Variants in ASB18 observed in about 807,000 individuals in gnomAD.
ASB18 encodes ankyrin repeat and SOCS box protein 18.
A neutral mutation model predicts 33.4 loss-of-function variants in ASB18; 33 were observed. The observed-to-expected ratio is 0.99, with a 90% CI of 0.75 to 1.32. The LOEUF (loss-of-function observed/expected upper bound fraction) is 1.32, where lower values mean the gene tolerates loss of function less well. Ranked by LOEUF, ASB18 falls within the 40% of genes most tolerant of loss-of-function variation. The pLI, the probability that ASB18 is intolerant of heterozygous loss-of-function variation, is 0.00. For missense variants in ASB18, 694 were observed against 655.5 expected (o/e 1.06, Z -0.64); for synonymous variants, 295 against 307.6 (o/e 0.96, Z 0.43).
Position 236,225,941 on chromosome 2 carries a change from T to C in ASB18, c.597-11075A>G, listed in dbSNP as rs1425924691. Among the ~76,000 whole-genome samples, 1 of 152,122 alleles carries C rather than the reference T, an allele frequency of 6.6e-6. No individual in the cohort carries two copies. Among genetic ancestry groups the C allele is most frequent in the African/African-American group, 2.4e-5 (1 of 41,412 alleles). On this transcript the variant is annotated intron_variant, in intron 3 of 5. Transcript: ENST00000409749. The surrounding 1 kb of genome is among the most constrained non-coding windows in gnomAD (Gnocchi z 5.1). Reference sequence around the variant, plus strand: ...TGTCATCAAGAGTCAGAAAATGGAATGGCTCTGTATGTAGGTCAGCGACCC... The same window carrying C: ...TGTCATCAAGAGTCAGAAAATGGAACGGCTCTGTATGTAGGTCAGCGACCC...
In ASB18 at chr2:236,226,189, G is replaced by GA. The variant is rs1480235610; in HGVS notation, c.597-11324_597-11323insT. Among the ~76,000 whole-genome samples the GA allele has an allele frequency of 6.6e-6, 1 of 152,294 alleles. No individual in the cohort carries two copies. The highest frequency in any genetic ancestry group is 1.9e-4 in the East Asian group (1 of 5,190). ...TATTAACTTTTTATCCTTCAAGGTA[G>GA]TTGGCTGTGTTATTGTAGAGGTGTT... On this transcript the variant is annotated intron_variant, in intron 3 of 5. Transcript: ENST00000409749. The surrounding 1 kb of genome is among the most constrained non-coding windows in gnomAD (Gnocchi z 4.8).
rs1391155312 is a variant in ASB18, at chr2:236,217,330, C to G, written c.597-2464G>C. Among the ~76,000 whole-genome samples, 1 of 151,770 alleles carries G rather than the reference C, an allele frequency of 6.6e-6. No individual in the cohort carries two copies. The highest frequency in any genetic ancestry group is 1.9e-4 in the East Asian group (1 of 5,136). ...GCTGAGGCAGGAGAATCACTTAAAC[C>G]CGGGAGGTGGAGGTTGCAGTGAGCC... On this transcript the variant is annotated intron_variant, in intron 3 of 5. Coordinates refer to ENST00000409749, the MANE Select transcript of ASB18 (RefSeq NM_212556.4). This position sits in a 1 kb window ranked among gnomAD's most constrained non-coding sequence, Gnocchi z 5.2.
rs190959293 is a variant in ASB18 at position 236,222,888 on chromosome 2, C to T, written c.597-8022G>A. ...TACAAAAATTAGATGGGTGTGGTGGCGCACACCTGTAGTCCCAGCTACTTG... is the reference window on the plus strand; with the variant it reads ...TACAAAAATTAGATGGGTGTGGTGGTGCACACCTGTAGTCCCAGCTACTTG... On this transcript the variant is annotated intron_variant, in intron 3 of 5. Coordinates refer to ENST00000409749, the MANE Select transcript of ASB18 (RefSeq NM_212556.4). This position sits in a 1 kb window ranked among gnomAD's most constrained non-coding sequence, Gnocchi z 5.5. Among the ~76,000 whole-genome samples the T allele has an allele frequency of 2.3e-4, 35 of 152,222 alleles. No individual in the cohort carries two copies. Among genetic ancestry groups the T allele is most frequent in the African/African-American group, 7.5e-4 (31 of 41,546 alleles).
Position 236,234,602 on chromosome 2 carries a change from A to G in ASB18, c.596+3087T>C, listed in dbSNP as rs2060580431. ...GCACATGCTTGACAAGAGAGCTCAG[A>G]AATAAACTCACGCATATATAGTCCA... On this transcript the variant is annotated intron_variant, in intron 3 of 5. Transcript: ENST00000409749. This position sits in a 1 kb window ranked among gnomAD's most constrained non-coding sequence, Gnocchi z 4.1. Among the ~76,000 whole-genome samples the G allele has an allele frequency of 1.3e-5, 2 of 152,334 alleles. No individual in the cohort carries two copies. The highest frequency in any genetic ancestry group is 6.5e-5 in the Admixed American group (1 of 15,302).
rs372921295 is a variant in ASB18, at chr2:236,211,596, C to T, written c.1101+2766G>A. Among the ~76,000 whole-genome samples the T allele has an allele frequency of 4.9e-4, 74 of 152,344 alleles. No homozygotes were observed. The highest frequency in any genetic ancestry group is 6.8e-3 in the Middle Eastern group (2 of 294). On this transcript the variant is annotated intron_variant, in intron 4 of 5. Transcript: ENST00000409749. This position sits in a 1 kb window ranked among gnomAD's most constrained non-coding sequence, Gnocchi z 5.0. ...GTGACAGTGCTGGTGACTCTACGCT[C>T]GGCTCGCCATGGCGCCCGTGTGGTG...
rs946952245 is a variant in ASB18, at chr2:236,241,136, G to A, written c.328+144C>T. On this transcript the variant is annotated intron_variant, in intron 2 of 5. Coordinates refer to ENST00000409749, the MANE Select transcript of ASB18 (RefSeq NM_212556.4). The surrounding 1 kb of genome is among the most constrained non-coding windows in gnomAD (Gnocchi z 4.2). ...TCACCTAAAACCTACACTTTACTGC[G>A]AGCAAACTTCATCAGATGTCCTTTT... 14 of 836,678 alleles carry A rather than the reference G, an allele frequency of 1.7e-5. No individual in the cohort carries two copies. Among genetic ancestry groups the A allele is most frequent in the South Asian group, 1.7e-4 (10 of 60,542 alleles). The allele number at this position is 836,678 out of a possible 1,614,324, so 51.8% of individuals were successfully genotyped here.
rs894891467 is a variant in ASB18 at position 236,211,497 on chromosome 2, G to A, written c.1101+2865C>T. ...AGCTCGCTGTGAAACCTTTTGCCTC[G>A]GTAATTCTGCGCTCCATGGGTGTCT... is the stretch of plus-strand genomic sequence containing the variant. On this transcript the variant is annotated intron_variant, in intron 4 of 5. Transcript: ENST00000409749. The surrounding 1 kb of genome is among the most constrained non-coding windows in gnomAD (Gnocchi z 5.0). Among the ~76,000 whole-genome samples, 3 of 152,222 alleles carry A rather than the reference G, an allele frequency of 2.0e-5. No homozygotes were observed. The highest frequency in any genetic ancestry group is 2.9e-5 in the Non-Finnish European group (2 of 68,038).
Position 236,222,258 on chromosome 2 carries a change from T to C in ASB18, c.597-7392A>G, listed in dbSNP as rs930850466. ...CTCCCGGGATGCTAAGCTATGAGAC[T>C]ATCAGACATAAATGTTTACAATTGA... On this transcript the variant is annotated intron_variant, in intron 3 of 5. Transcript: ENST00000409749. The surrounding 1 kb of genome is among the most constrained non-coding windows in gnomAD (Gnocchi z 5.5). 6.6e-6 allele frequency among the ~76,000 whole-genome samples: 1 copy of C among 152,214 alleles called. No individual in the cohort carries two copies. Among genetic ancestry groups the C allele is most frequent in the Non-Finnish European group, 1.5e-5 (1 of 68,040 alleles).
In ASB18 at chr2:236,211,101, G is replaced by A. The variant is rs1383437852; in HGVS notation, c.1101+3261C>T. On this transcript the variant is annotated intron_variant, in intron 4 of 5. Transcript: ENST00000409749. The surrounding 1 kb of genome is among the most constrained non-coding windows in gnomAD (Gnocchi z 5.0). ...GCCTTTTATCCAGACCAAGCATCCA[G>A]CCCAAAAAGTCACCTGTGGCAGATG... is the stretch of plus-strand genomic sequence containing the variant. 6.6e-6 allele frequency among the ~76,000 whole-genome samples: 1 copy of A among 152,196 alleles called. No homozygotes were observed. The highest frequency in any genetic ancestry group is 1.5e-5 in the Non-Finnish European group (1 of 68,032).
chr2:236,220,793 C>T lies in ASB18; in HGVS notation c.597-5927G>A, dbSNP rs556500185. Among the ~76,000 whole-genome samples the T allele has an allele frequency of 2.6e-4, 39 of 152,292 alleles. No homozygotes were observed. Among genetic ancestry groups the T allele is most frequent in the African/African-American group, 7.0e-4 (29 of 41,568 alleles). ...CACCTTCTCTGAGGCAGGTTCTGTTCTAGGCGTTTTCCACAAGTTATGAGT... is the reference window on the plus strand; with the variant it reads ...CACCTTCTCTGAGGCAGGTTCTGTTTTAGGCGTTTTCCACAAGTTATGAGT... On this transcript the variant is annotated intron_variant, in intron 3 of 5. Transcript: ENST00000409749. The surrounding 1 kb of genome is among the most constrained non-coding windows in gnomAD (Gnocchi z 5.1).
At position 236,255,222 on chromosome 2, in the gene ASB18, C is replaced by T. The variant is rs1574672408; in HGVS notation, c.205+8919G>A. ...GCAGTAGCGCGATCTTGGCTCACTG[C>T]AACCTCCTCCTCCCAGGTTCAAGCG... On this transcript the variant is annotated intron_variant, in intron 1 of 5. Transcript: ENST00000409749. This position sits in a 1 kb window ranked among gnomAD's most constrained non-coding sequence, Gnocchi z 4.4. 6.6e-6 allele frequency among the ~76,000 whole-genome samples: 1 copy of T among 152,112 alleles called. No individual in the cohort carries two copies. Among genetic ancestry groups the T allele is most frequent in the African/African-American group, 2.4e-5 (1 of 41,384 alleles).
At position 236,205,589 on chromosome 2, in the gene ASB18, T is replaced by G. The variant is rs114524192; in HGVS notation, c.1101+8773A>C. Among the ~76,000 whole-genome samples the G allele has an allele frequency of 0.011, 1,645 of 151,704 alleles. 15 individuals are homozygous for G. The highest frequency in any genetic ancestry group is 0.016 in the Non-Finnish European group (1,098 of 68,032). ...AGCTCCACATAGGCAGGAATACTTC[T>G]TTCCCCTTATCTGTTCACTCACTTA... On this transcript the variant is annotated intron_variant, in intron 4 of 5. Coordinates refer to ENST00000409749, the MANE Select transcript of ASB18 (RefSeq NM_212556.4). The surrounding 1 kb of genome is among the most constrained non-coding windows in gnomAD (Gnocchi z 5.4).
In ASB18 at chr2:236,245,632, A is replaced by G. The variant is rs2060641195; in HGVS notation, c.206-4230T>C. 6.6e-6 allele frequency among the ~76,000 whole-genome samples: 1 copy of G among 152,056 alleles called. No individual in the cohort carries two copies. The highest frequency in any genetic ancestry group is 2.4e-5 in the African/African-American group (1 of 41,410). ...TTAGCCTCCCTTGACCTCCAAGACC[A>G]GTCCTGATGTCTGTCCTTGCACTCT... On this transcript the variant is annotated intron_variant, in intron 1 of 5. Coordinates refer to ENST00000409749, the MANE Select transcript of ASB18 (RefSeq NM_212556.4). This position sits in a 1 kb window ranked among gnomAD's most constrained non-coding sequence, Gnocchi z 4.7.
chr2:236,264,154 G>A lies in ASB18; in HGVS notation c.192C>T (p.Thr64=), dbSNP rs1169533543. Residue 64 remains threonine, a synonymous_variant, in exon 1 of 6, where the codon ACC becomes ACT. Transcript: ENST00000409749. The surrounding 1 kb of genome is among the most constrained non-coding windows in gnomAD (Gnocchi z 5.1). ...WMKDPSAQLP[T]GMLLGDLDHL... Reference sequence around the variant, plus strand: ...CGTTCTGGTTACCTAGCAGCATGCCGGTGGGCAGCTGAGCCGAGGGGTCTT... The same window carrying A: ...CGTTCTGGTTACCTAGCAGCATGCCAGTGGGCAGCTGAGCCGAGGGGTCTT... The A allele has an allele frequency of 4.3e-6, 7 of 1,613,610 alleles. No homozygotes were observed. The highest frequency in any genetic ancestry group is 3.3e-5 in the Admixed American group (2 of 59,992).
At position 236,248,867 on chromosome 2, in the gene ASB18, C is replaced by G. The variant is rs2060657149; in HGVS notation, c.206-7465G>C. The G allele has an allele frequency of 6.6e-6, 1 of 152,242 alleles. No individual in the cohort carries two copies. The highest frequency in any genetic ancestry group is 2.1e-4 in the South Asian group (1 of 4,834). The allele number at this position is 152,242 out of a possible 1,614,324, so 9.4% of individuals were successfully genotyped here. On this transcript the variant is annotated intron_variant, in intron 1 of 5. Transcript: ENST00000409749. The surrounding 1 kb of genome is among the most constrained non-coding windows in gnomAD (Gnocchi z 4.9). ...GGTCAGAGCAACAGGCCGATTCAAT[C>G]AATGCCACCAGGCAGCATTCAAACT...
rs1047764190 is a variant in ASB18 at position 236,220,341 on chromosome 2, C to T, written c.597-5475G>A. Among the ~76,000 whole-genome samples the T allele has an allele frequency of 6.6e-6, 1 of 152,228 alleles. No homozygotes were observed. Among genetic ancestry groups the T allele is most frequent in the African/African-American group, 2.4e-5 (1 of 41,470 alleles). On this transcript the variant is annotated intron_variant, in intron 3 of 5. Transcript: ENST00000409749. The surrounding 1 kb of genome is among the most constrained non-coding windows in gnomAD (Gnocchi z 5.1). The stretch of plus-strand genomic sequence containing the variant: ...TCCTTTACCCACCTGTCTCACCCAC[C>T]TGCTCCCACCTGTCTCAGCTGCCTG...
At position 236,237,641 on chromosome 2, in the gene ASB18, T is replaced by A. The variant is rs1576406526; in HGVS notation, c.596+48A>T. 8.3e-7 allele frequency: 1 copy of A among 1,203,360 alleles called. No individual in the cohort carries two copies. The highest frequency in any genetic ancestry group is 2.3e-5 in the African/African-American group (1 of 42,572). 74.5% of individuals were successfully genotyped at this position (1,203,360 alleles called of 1,614,324 possible). On this transcript the variant is annotated intron_variant, in intron 3 of 5. Coordinates refer to ENST00000409749, the MANE Select transcript of ASB18 (RefSeq NM_212556.4). This position sits in a 1 kb window ranked among gnomAD's most constrained non-coding sequence, Gnocchi z 6.2. ...GGTCTCGTGGGGGGAGGCGGGCGTCTGGTCTCGGGGCGGGGCGGACGCCGC... is the reference window on the plus strand; with the variant it reads ...GGTCTCGTGGGGGGAGGCGGGCGTCAGGTCTCGGGGCGGGGCGGACGCCGC...
In ASB18 at chr2:236,245,575, C is replaced by T. The variant is rs1284063779; in HGVS notation, c.206-4173G>A. 2.0e-5 allele frequency among the ~76,000 whole-genome samples: 3 copies of T among 152,186 alleles called. No individual in the cohort carries two copies. Among genetic ancestry groups the T allele is most frequent in the Non-Finnish European group, 4.4e-5 (3 of 68,024 alleles). On this transcript the variant is annotated intron_variant, in intron 1 of 5. Coordinates refer to ENST00000409749, the MANE Select transcript of ASB18 (RefSeq NM_212556.4). This position sits in a 1 kb window ranked among gnomAD's most constrained non-coding sequence, Gnocchi z 4.7. ...CTGCAGTCCTTATTTTCCCTCCTTG[C>T]CTGGCCAGCCTCGCTCATCCTCCAA...
chr2:236,233,032 G>T (rs2060573738), intron 3 of ASB18, among the ~76,000 whole-genome samples: 1 of 151,956 alleles, frequency 6.6e-6, no homozygotes, highest in African/African-American at 2.4e-5. Context: ...CATAGATGCG[G>T]ATACTAAATA....
Sources: allele counts gnomAD v4.1 joint callset (sites outside exome capture counted in the v4.1 genomes callset), GRCh38; gene constraint gnomAD v4.1.1; non-coding constraint Gnocchi (gnomAD v3.1); transcripts MANE v1.5; gene names NCBI Gene and HGNC (gene_info 2026-07-23, HGNC 2026-07-21).